ADAMTS17: variants seen among roughly 807,000 people sequenced by gnomAD.
The protein encoded by ADAMTS17 is ADAM metallopeptidase with thrombospondin type 1 motif 17, also known as A disintegrin and metalloproteinase with thrombospondin motifs 17.
ADAMTS17 carries 113 observed loss-of-function variants against 141.5 expected under a neutral mutation model. The observed-to-expected ratio is 0.80, with a 90% CI of 0.69 to 0.93. ADAMTS17 has a LOEUF of 0.93. Among genes scored for constraint, ADAMTS17 ranks in the 40% least tolerant of loss-of-function variants. The probability of loss-of-function intolerance (pLI) is 0.00; values close to 1 mark genes in which losing one functional copy is unlikely to be tolerated. For missense variants in ADAMTS17, 1,659 were observed against 1,517.9 expected, an observed-to-expected ratio of 1.09 and a Z score of -1.54; for synonymous variants, 768 against 630.6, an observed-to-expected ratio of 1.22 and a Z score of -3.27.
intron 7 of ADAMTS17, among the ~76,000 whole-genome samples, chr15:100,247,343 A>G (rs2043019979): frequency 6.6e-6 from 1 of 152,222 alleles, no homozygotes; most frequent in African/African-American, 2.4e-5. Context: ...CTTGATTTGT[A>G]TCTTTGTATC....
rs946474296 is a variant in ADAMTS17, at chr15:100,258,756, A to C, written c.1031+2723T>G. Among the ~76,000 whole-genome samples the C allele has an allele frequency of 2.0e-5, 3 of 152,208 alleles. No individual in the cohort carries two copies. In the East Asian group the frequency reaches 5.8e-4, roughly 29 times the overall value. On this transcript the variant is annotated intron_variant, in intron 6 of 21. Transcript: ENST00000268070. ...TTGTTTTACAGTAGCCATTGTAAAAAGTTTGAGGTATAGAAAAGAAGATTT... is the reference window on the plus strand; with the variant it reads ...TTGTTTTACAGTAGCCATTGTAAAACGTTTGAGGTATAGAAAAGAAGATTT...
At chr15:100,153,305 G>A (rs2039276003) in intron 9 of ADAMTS17, among the ~76,000 whole-genome samples, 2 of 152,124 alleles carry the variant, frequency 1.3e-5, no homozygotes, top group South Asian at 4.2e-4. Flanking sequence ...ATTTCAACTG[G>A]GGTGGGAGCA....
intron 15 of ADAMTS17, among the ~76,000 whole-genome samples, chr15:100,055,304 TGA>T (rs1405536642): frequency 1.3e-5 from 2 of 152,146 alleles, no homozygotes; most frequent in East Asian, 1.9e-4. Flanking sequence ...TTTTGGAAAA[TGA>T]GAGTTGAAAC....
intron 18 of ADAMTS17, among the ~76,000 whole-genome samples, chr15:100,037,378 G>A (rs1351538113): frequency 6.6e-6 from 1 of 151,414 alleles, no homozygotes; most frequent in Non-Finnish European, 1.5e-5. Flanking sequence ...TCTTATTATT[G>A]AGCTGTAGTA....
At chr15:100,260,001 C>A (rs534819951) in intron 6 of ADAMTS17, among the ~76,000 whole-genome samples, 1 of 152,274 alleles carries the variant, frequency 6.6e-6, no homozygotes, top group African/African-American at 2.4e-5. Flanking sequence ...TGCACCACCA[C>A]GCCCAGCTAA....
chr15:100,088,085 A>G (rs1464819333), intron 15 of ADAMTS17, among the ~76,000 whole-genome samples: 1 of 152,196 alleles, frequency 6.6e-6, no homozygotes, highest in Non-Finnish European at 1.5e-5. Context: ...TATATCTAGA[A>G]AACCCCACCA....
chr15:99,977,840 T>C (rs1179060688), intron 20 of ADAMTS17, among the ~76,000 whole-genome samples: 1 of 152,158 alleles, frequency 6.6e-6, no homozygotes, highest in Admixed American at 6.5e-5. Context: ...GAATGGTCTC[T>C]TCTCCCTTAC....
chr15:100,254,110 GATT>G (rs928286721), intron 7 of ADAMTS17, 23 bp downstream of exon 7: 5 of 1,607,722 alleles, frequency 3.1e-6, no homozygotes, highest in Non-Finnish European at 4.3e-6. Context: ...CAGCCCCTTA[GATT>G]ATTATTTCAA....
chr15:100,129,884 A>C (rs75974898), intron 12 of ADAMTS17: 4,208 of 152,390 alleles, frequency 0.028, 92 homozygotes, highest in South Asian at 0.039. Flanking sequence ...GTGAGGTCAC[A>C]TGACCATTAA....
chr15:100,058,929 C>G (rs954990472), intron 15 of ADAMTS17, among the ~76,000 whole-genome samples: 5 of 152,222 alleles, frequency 3.3e-5, no homozygotes, highest in African/African-American at 1.2e-4. Flanking sequence ...TACTGGACAA[C>G]AGAGTGCTAG....
chr15:100,263,745 T>C lies in ADAMTS17; in HGVS notation c.790-1310A>G, dbSNP rs188744437. On this transcript the variant is annotated intron_variant, in intron 4 of 21. Transcript: ENST00000268070. ...AGGTTGGAGGGAACAAGAATGAGAA[T>C]CTTTTAAATATTCTACTTGGTTTTT... is the stretch of plus-strand genomic sequence containing the variant. 1.2e-4 allele frequency among the ~76,000 whole-genome samples: 18 copies of C among 152,334 alleles called. No individual in the cohort carries two copies. In the East Asian group the frequency reaches 3.5e-3, roughly 29 times the overall value.
chr15:100,069,834 A>C (rs2033841279), intron 15 of ADAMTS17, among the ~76,000 whole-genome samples: 1 of 150,402 alleles, frequency 6.6e-6, no homozygotes, highest in African/African-American at 2.5e-5. Context: ...AACTGCACCA[A>C]CTAACGAGCA....
intron 8 of ADAMTS17, among the ~76,000 whole-genome samples, chr15:100,195,693 G>A (rs1218890728): frequency 2.7e-5 from 4 of 145,984 alleles, no homozygotes; most frequent in African/African-American, 7.6e-5. Flanking sequence ...CACAGTACTC[G>A]AGTGTCCTAG....
At chr15:100,268,513 G>C (rs780839351) in intron 4 of ADAMTS17, among the ~76,000 whole-genome samples, 1 of 152,166 alleles carries the variant, frequency 6.6e-6, no homozygotes. Flanking sequence ...ATGGTATCTT[G>C]TGGTATTGAT....
At chr15:100,297,694 G>A (rs1441057343) in intron 3 of ADAMTS17, among the ~76,000 whole-genome samples, 1 of 152,158 alleles carries the variant, frequency 6.6e-6, no homozygotes, top group South Asian at 2.1e-4. Flanking sequence ...AAGCATCCAG[G>A]TGGAGATGTC....
At chr15:100,020,159 G>GCCCAGCTGC (rs894011344) in intron 18 of ADAMTS17, among the ~76,000 whole-genome samples, 3 of 152,164 alleles carry the variant, frequency 2.0e-5, no homozygotes, top group Non-Finnish European at 4.4e-5. Context: ...TGCCCTGCTG[G>GCCCAGCTGC]CCCAGCTGCC....
At position 100,261,502 on chromosome 15, in the gene ADAMTS17, C is replaced by T. The variant is rs557358714; in HGVS notation, c.1008G>A (p.Val336=). ...VPGGKDDPPL[V]DAAVFVTRTD... ...ACCTGGTCACAAACACGGCAGCATCCACCAGGGGCGGGTCGTCCTTCCCGC... is the reference window on the plus strand; with the variant it reads ...ACCTGGTCACAAACACGGCAGCATCTACCAGGGGCGGGTCGTCCTTCCCGC... The change falls in exon 6 of 22, where the codon GTG becomes GTA. Residue 336 remains valine (V), a synonymous_variant. Coordinates refer to ENST00000268070, the MANE Select transcript of ADAMTS17 (RefSeq NM_139057.4). The T allele has an allele frequency of 3.0e-5, 48 of 1,614,172 alleles. No individual in the cohort carries two copies. The Admixed American group carries it at 3.0e-4, about 10-fold the overall frequency.
In ADAMTS17 at chr15:100,004,364, C is replaced by G. The variant is rs1442756458; in HGVS notation, c.2592-6775G>C. 2.0e-5 allele frequency among the ~76,000 whole-genome samples: 3 copies of G among 152,186 alleles called. No homozygotes were observed. In the East Asian group the frequency reaches 5.8e-4, roughly 29 times the overall value. ...GGTGGCATAAAGAAATCATTTCACCCAACCCCCCCTGGCTCCAGGAGCCCA... is the reference window on the plus strand; with the variant it reads ...GGTGGCATAAAGAAATCATTTCACCGAACCCCCCCTGGCTCCAGGAGCCCA... On this transcript the variant is annotated intron_variant, in intron 18 of 21. Coordinates refer to ENST00000268070, the MANE Select transcript of ADAMTS17 (RefSeq NM_139057.4).
At chr15:100,070,481 C>T (rs2033886850) in intron 15 of ADAMTS17, among the ~76,000 whole-genome samples, 2 of 150,330 alleles carry the variant, frequency 1.3e-5, no homozygotes, top group African/African-American at 2.5e-5. Flanking sequence ...AAATTGACCA[C>T]TTAGTTGGAA....
Sources: gnomAD v4.1 joint callset for allele counts (sites outside exome capture counted in the v4.1 genomes callset) on GRCh38, gnomAD v4.1.1 for gene constraint, MANE v1.5 for transcripts, NCBI Gene and HGNC (gene_info 2026-07-23, HGNC 2026-07-21) for gene names.